EXOC6: variants seen among roughly 807,000 people sequenced by gnomAD.
The protein encoded by EXOC6 is exocyst complex component 6, also known as SEC15-like 1.
A neutral mutation model predicts 112.5 loss-of-function variants in EXOC6; 60 were observed. The observed-to-expected ratio is 0.53, with a 90% CI of 0.43 to 0.66. The LOEUF is 0.66. Among genes scored for constraint, EXOC6 ranks in the 30% least tolerant of loss-of-function variants. The probability of loss-of-function intolerance (pLI) is 0.00; values close to 1 mark genes in which losing one functional copy is unlikely to be tolerated. For synonymous variants in EXOC6, 295 were observed against 308.0 expected (o/e 0.96, Z 0.44); for missense variants, 855 against 957.1 (o/e 0.89, Z 1.41).
chr10:93,031,085 A>G (rs778169552), intron 20 of EXOC6, among the ~76,000 whole-genome samples: 4 of 152,194 alleles, frequency 2.6e-5, no homozygotes, highest in Non-Finnish European at 5.9e-5. Flanking sequence ...GTGAGCACCT[A>G]CAGATGCAGA....
In EXOC6 at chr10:92,909,427, G is replaced by A. The variant is rs749097251; in HGVS notation, c.459G>A (p.Arg153=). 1.9e-6 allele frequency: 3 copies of A among 1,601,478 alleles called. No individual in the cohort carries two copies. The East Asian group carries it at 6.7e-5, about 36-fold the overall frequency. ...AGTTTTCTTTTTTAACTTCTCACAGGTACTATTCTGCCCTAAAAACTATGG... is the reference window on the plus strand; with the variant it reads ...AGTTTTCTTTTTTAACTTCTCACAGATACTATTCTGCCCTAAAAACTATGG... The part of the protein sequence containing the change: ...SKLKEQMSAK[R]YYSALKTMEQ... The change falls in exon 6 of 22, where the codon AGG becomes AGA. Residue 153 remains arginine (R), a splice_region_variant and synonymous_variant. Transcript: ENST00000260762.
intron 6 of EXOC6, among the ~76,000 whole-genome samples, chr10:92,912,021 C>G (rs915516611): frequency 1.1e-4 from 16 of 150,166 alleles, no homozygotes; most frequent in Non-Finnish European, 2.1e-4. Context: ...CAGCTGTGCT[C>G]AGTTTGGCAG....
intron 1 of EXOC6, among the ~76,000 whole-genome samples, chr10:92,857,793 G>A (rs75824060): frequency 1.6e-5 from 2 of 128,470 alleles, no homozygotes; most frequent in Admixed American, 8.2e-5. Flanking sequence ...GTGTGTGTCT[G>A]TGTGTGTCTG....
intron 12 of EXOC6, among the ~76,000 whole-genome samples, chr10:92,940,064 G>T (rs1852569022): frequency 6.6e-6 from 1 of 152,110 alleles, no homozygotes; most frequent in South Asian, 2.1e-4. Context: ...AAAGGTGCCT[G>T]TGGAAGTTAA....
chr10:92,929,201 C>G (rs373637771), intron 9 of EXOC6, among the ~76,000 whole-genome samples: 2 of 152,158 alleles, frequency 1.3e-5, no homozygotes, highest in South Asian at 4.1e-4. Context: ...ATCTAAAAAT[C>G]CTTCTGTTCC....
rs4551674 is a variant in EXOC6, at chr10:92,964,004, A to T, written c.1773+8290A>T. Among the ~76,000 whole-genome samples, 732 of 145,710 alleles carry T rather than the reference A, an allele frequency of 5.0e-3. 8 individuals carry two copies. The highest frequency in any genetic ancestry group is 0.014 in the African/African-American group (566 of 40,082). ...ATCCTAAAGCCTAATACTCTTTTTT[A>T]AAAAAAAAAAAATCACAGTAATATA... On this transcript the variant is annotated intron_variant, in intron 17 of 21. Transcript: ENST00000260762.
chr10:93,030,269 C>A (rs1242963171), intron 20 of EXOC6, among the ~76,000 whole-genome samples: 1 of 151,818 alleles, frequency 6.6e-6, no homozygotes, highest in African/African-American at 2.4e-5. Context: ...TCGCAGACTC[C>A]TGAGCTCAAG....
At chr10:92,917,323 C>T (rs1018120743) in intron 7 of EXOC6, among the ~76,000 whole-genome samples, 4 of 151,514 alleles carry the variant, frequency 2.6e-5, no homozygotes, top group Admixed American at 6.6e-5. Flanking sequence ...ATTTTTATTT[C>T]GTAATGTCTT....
chr10:93,002,787 C>A (rs1843815228), intron 19 of EXOC6, among the ~76,000 whole-genome samples: 1 of 152,102 alleles, frequency 6.6e-6, no homozygotes, highest in Admixed American at 6.5e-5. Flanking sequence ...CCTTATCTAC[C>A]AGTCTAATTA....
chr10:92,864,462 C>T (rs1848074522), intron 1 of EXOC6, among the ~76,000 whole-genome samples: 1 of 152,056 alleles, frequency 6.6e-6, no homozygotes, highest in African/African-American at 2.4e-5. Context: ...TTAAATAATC[C>T]TAAAAGGTTA....
chr10:92,916,957 A>G (rs1361376331), intron 7 of EXOC6, among the ~76,000 whole-genome samples: 3 of 150,518 alleles, frequency 2.0e-5, no homozygotes, highest in Admixed American at 6.6e-5. Flanking sequence ...TGTAAATCTA[A>G]TTTTTCTTTC....
At chr10:93,027,249 T>C (rs1845069706) in intron 20 of EXOC6, among the ~76,000 whole-genome samples, 1 of 152,208 alleles carries the variant, frequency 6.6e-6, no homozygotes, top group Admixed American at 6.5e-5. Flanking sequence ...GATGAAAAGT[T>C]TGAAGGTAGC....
intron 2 of EXOC6, among the ~76,000 whole-genome samples, chr10:92,893,936 C>T (rs1849627472): frequency 6.6e-6 from 1 of 152,172 alleles, no homozygotes; most frequent in African/African-American, 2.4e-5. Context: ...AAAAGTTTAA[C>T]AGCAGTGTGT....
intron 20 of EXOC6, among the ~76,000 whole-genome samples, chr10:93,030,481 C>T (rs1474739897): frequency 6.6e-6 from 1 of 152,202 alleles, no homozygotes; most frequent in Non-Finnish European, 1.5e-5. Flanking sequence ...GTAAACCAGT[C>T]AGTCATACAG....
chr10:92,828,116 T>C (rs759355713), intron 1 of EXOC6, among the ~76,000 whole-genome samples: 5 of 152,194 alleles, frequency 3.3e-5, no homozygotes, highest in Non-Finnish European at 7.4e-5. Flanking sequence ...ATTAACTCTG[T>C]TTGTTGATCT....
At chr10:92,984,600 T>TTAATAACTTAAAAAC (rs1842936542) in intron 18 of EXOC6, among the ~76,000 whole-genome samples, 1 of 152,174 alleles carries the variant, frequency 6.6e-6, no homozygotes, top group Non-Finnish European at 1.5e-5. Flanking sequence ...CTTCAGTAAC[T>TTAATAACTTAAAAAC]TTAATAACTC....
At chr10:92,874,197 T>C (rs1043811427) in intron 1 of EXOC6, among the ~76,000 whole-genome samples, 1 of 152,170 alleles carries the variant, frequency 6.6e-6, no homozygotes, top group Non-Finnish European at 1.5e-5. Context: ...GCAGCAGTAT[T>C]TTAGGATACT....
Position 92,955,595 on chromosome 10 carries a change from A to C in EXOC6, c.1654A>C (p.Ile552Leu), listed in dbSNP as rs764770376. The C allele has an allele frequency of 6.2e-7, 1 of 1,611,174 alleles. No homozygotes were observed. The highest frequency in any genetic ancestry group is 1.8e-4 in the Middle Eastern group (1 of 5,532). The part of the protein sequence containing the change: ...IGLTELVQII[I>L]NTTHLEQACK... ...TGTTTTCTAGCTGGTACAAATCATC[A>C]TAAACACAACACACCTGGAGCAAGC... The change falls in exon 17 of 22, where the codon ATA becomes CTA. Residue 552 changes from isoleucine (I) to leucine (L), a missense_variant. Transcript: ENST00000260762.
chr10:92,966,281 A>T (rs868065735), intron 17 of EXOC6, among the ~76,000 whole-genome samples: 30 of 134,938 alleles, frequency 2.2e-4, no homozygotes, highest in Non-Finnish European at 4.2e-4. Context: ...ATGTAATTAT[A>T]ATTATTATTA....
Sources: gnomAD v4.1 joint callset for allele counts (sites outside exome capture counted in the v4.1 genomes callset) on GRCh38, gnomAD v4.1.1 for gene constraint, MANE v1.5 for transcripts, NCBI Gene and HGNC (gene_info 2026-07-23, HGNC 2026-07-21) for gene names.